Variants in DPF3 observed in about 807,000 individuals in gnomAD.
DPF3 encodes the protein double PHD fingers 3.
DPF3 carries 18 observed loss-of-function variants against 56.8 expected under a neutral mutation model. The observed-to-expected ratio is 0.32, with a 90% CI of 0.22 to 0.47. The LOEUF (loss-of-function observed/expected upper bound fraction) is 0.47, where lower values mean the gene tolerates loss of function less well. Ranked by LOEUF, DPF3 falls within the 20% of genes least tolerant of loss-of-function variation. The probability of loss-of-function intolerance (pLI) is 1.00; values close to 1 mark genes in which losing one functional copy is unlikely to be tolerated. For synonymous variants in DPF3, 188 were observed against 180.2 expected (o/e 1.04, Z -0.35); for missense variants, 403 against 488.8 (o/e 0.82, Z 1.65).
chr14:72,845,804 G>A (rs919761009), intron 1 of DPF3, among the ~76,000 whole-genome samples: 4 of 152,140 alleles, frequency 2.6e-5, no homozygotes, highest in African/African-American at 9.7e-5. Context: ...GTTCTGAAAC[G>A]AGAAGGGTTC....
intron 1 of DPF3, among the ~76,000 whole-genome samples, chr14:72,837,216 G>T (rs4903071): frequency 0.37 from 56,922 of 151,818 alleles, 11,070 homozygotes; most frequent in Admixed American, 0.44. Flanking sequence ...AATGAGGGTG[G>T]GGGAAAGGTT....
chr14:72,654,891 G>C (rs977431576), intron 8 of DPF3, among the ~76,000 whole-genome samples: 1 of 152,120 alleles, frequency 6.6e-6, no homozygotes, highest in Non-Finnish European at 1.5e-5. Flanking sequence ...GCAGCATGCG[G>C]TCAAAACACA....
chr14:72,777,247 A>C (rs759036994), intron 1 of DPF3, among the ~76,000 whole-genome samples: 1 of 152,176 alleles, frequency 6.6e-6, no homozygotes. Flanking sequence ...ATCTACACCA[A>C]TATGCTAACT....
intron 1 of DPF3, among the ~76,000 whole-genome samples, chr14:72,847,414 CTATAT>C (rs2140078306): frequency 6.6e-6 from 1 of 152,334 alleles, no homozygotes; most frequent in South Asian, 2.1e-4. Context: ...ATTTACCTCA[CTATAT>C]TATAAGCCTT....
At chr14:72,662,079 TAA>T in intron 8 of DPF3, 1 of 985,188 alleles carries the variant, frequency 1.0e-6, no homozygotes, top group Non-Finnish European at 1.2e-6. Flanking sequence ...GATTTGTGGC[TAA>T]GTTATTTCAG....
At chr14:72,619,641 T>C (rs947532057) in intron 10 of DPF3, among the ~76,000 whole-genome samples, 6 of 152,082 alleles carry the variant, frequency 3.9e-5, no homozygotes, top group Non-Finnish European at 5.9e-5. Context: ...AGCTCACACC[T>C]CCCGGTCATC....
chr14:72,670,717 T>C (rs1050799975), intron 8 of DPF3: 1 of 1,014,328 alleles, frequency 9.9e-7, no homozygotes, highest in Non-Finnish European at 1.2e-6. Flanking sequence ...TGTTTTAATG[T>C]TATTGGTTCT....
intron 1 of DPF3, among the ~76,000 whole-genome samples, chr14:72,845,081 G>A (rs1181277945): frequency 6.6e-6 from 1 of 152,142 alleles, no homozygotes; most frequent in Non-Finnish European, 1.5e-5. Flanking sequence ...CTCCAGCCTG[G>A]GTGACAGAGA....
At chr14:72,887,817 C>G (rs751678517) in intron 1 of DPF3, among the ~76,000 whole-genome samples, 4 of 152,180 alleles carry the variant, frequency 2.6e-5, no homozygotes, top group Non-Finnish European at 5.9e-5. Flanking sequence ...TACAAAAAAT[C>G]AGCCACTGGT....
chr14:72,857,584 G>T (rs1038795564), intron 1 of DPF3, among the ~76,000 whole-genome samples: 29 of 152,002 alleles, frequency 1.9e-4, no homozygotes, highest in Non-Finnish European at 3.2e-4. Context: ...GAGTTTTTTT[G>T]TTTGTTTGTT....
chr14:72,862,193 G>C (rs1226391994), intron 1 of DPF3, among the ~76,000 whole-genome samples: 1 of 152,102 alleles, frequency 6.6e-6, no homozygotes, highest in Non-Finnish European at 1.5e-5. Context: ...AGGCCCACTG[G>C]ACAGTTCCCT....
At chr14:72,866,074 C>T (rs1470496386) in intron 1 of DPF3, among the ~76,000 whole-genome samples, 1 of 152,102 alleles carries the variant, frequency 6.6e-6, no homozygotes, top group Non-Finnish European at 1.5e-5. Context: ...GAAAGCAGCA[C>T]TAATGCCCTG....
At chr14:72,845,572 C>T (rs1884716842) in intron 1 of DPF3, among the ~76,000 whole-genome samples, 1 of 152,146 alleles carries the variant, frequency 6.6e-6, no homozygotes, top group Non-Finnish European at 1.5e-5. Context: ...GTCCCATTTC[C>T]TAGGAGTTAA....
At chr14:72,689,103 CG>C (rs1378022591) in intron 7 of DPF3, among the ~76,000 whole-genome samples, 7 of 147,608 alleles carry the variant, frequency 4.7e-5, no homozygotes, top group Non-Finnish European at 1.0e-4. Context: ...GCAGCATGGG[CG>C]GGGGCGGGGA....
At chr14:72,882,538 A>G (rs1333859254) in intron 1 of DPF3, among the ~76,000 whole-genome samples, 4 of 152,162 alleles carry the variant, frequency 2.6e-5, no homozygotes, top group Non-Finnish European at 5.9e-5. Flanking sequence ...GAGTGTGTGC[A>G]TGGGGAAACA....
chr14:72,693,207 C>T lies in DPF3; in HGVS notation c.611G>A (p.Gly204Asp). The change falls in exon 7 of 11, where the codon GGC becomes GAC. Residue 204 changes from glycine (G) to aspartate (D), a missense_variant. Gly to Asp is a moderately conservative substitution (Grantham distance 94). Coordinates refer to ENST00000556509, the MANE Select transcript of DPF3 (RefSeq NM_001280542.3). Reference protein sequence around the residue: ...HDKPYVCDICGKRYKNRPGLS... With the variant: ...HDKPYVCDICDKRYKNRPGLS... ...CCCCGGTCGGTTCTTGTAGCGCTTGCCACAGACTAGAGAGGAAAAGAGGAA... is the reference window on the plus strand; with the variant it reads ...CCCCGGTCGGTTCTTGTAGCGCTTGTCACAGACTAGAGAGGAAAAGAGGAA... 1 of 1,613,794 alleles carries T rather than the reference C, an allele frequency of 6.2e-7. No homozygotes were observed. The highest frequency in any genetic ancestry group is 8.5e-7 in the Non-Finnish European group (1 of 1,179,862).
rs976934300 is a variant in DPF3 at position 72,617,069 on chromosome 14, C to G, written c.*2228G>C. ...GTGCAGGCAAGTTCCAGTGCCCTGC[C>G]TTGGCCTGGGAGACCCAGCTGAGGC... is the stretch of plus-strand genomic sequence containing the variant. On this transcript the variant is annotated 3_prime_UTR_variant, in exon 11 of 11. Coordinates refer to ENST00000556509, the MANE Select transcript of DPF3 (RefSeq NM_001280542.3). 6.6e-6 allele frequency among the ~76,000 whole-genome samples: 1 copy of G among 152,184 alleles called. No homozygotes were observed. Among genetic ancestry groups the G allele is most frequent in the Non-Finnish European group, 1.5e-5 (1 of 68,044 alleles).
chr14:72,805,065 C>CACACACACACACACACACACACAA (rs1329999114), intron 1 of DPF3, among the ~76,000 whole-genome samples: 1 of 151,514 alleles, frequency 6.6e-6, no homozygotes, highest in Non-Finnish European at 1.5e-5. Context: ...CACACACACA[C>CACACACACACACACACACACACAA]ACAAACACAC....
At position 72,660,183 on chromosome 14, in the gene DPF3, G is replaced by A. The variant is rs192725771; in HGVS notation, c.871+14057C>T. Among the ~76,000 whole-genome samples, 46 of 152,138 alleles carry A rather than the reference G, an allele frequency of 3.0e-4. 1 individual carries two copies. The South Asian group carries it at 5.8e-3, about 19-fold the overall frequency. ...TGACACAGAACTATATCTTAAAAGC[G>A]GTTAGAAAGGCAAATTTTATGTAAT... On this transcript the variant is annotated intron_variant, in intron 8 of 10. Transcript: ENST00000556509.
Sources: allele counts gnomAD v4.1 joint callset (sites outside exome capture counted in the v4.1 genomes callset), GRCh38; gene constraint gnomAD v4.1.1; transcripts MANE v1.5; gene names NCBI Gene and HGNC (gene_info 2026-07-23, HGNC 2026-07-21).